Variants in RBMS3 observed in about 807,000 individuals in gnomAD.
RBMS3 encodes RNA-binding motif, single-stranded-interacting protein 3.
In RBMS3, 27 loss-of-function variants were observed where a neutral mutation model predicts 66.8. The ratio of observed to expected loss-of-function variants is 0.40; its 90% CI spans 0.30 to 0.56. The LOEUF is 0.56. Ranked by LOEUF, RBMS3 falls within the 20% of genes least tolerant of loss-of-function variation. The pLI is 0.40. For synonymous variants in RBMS3, 188 were observed against 183.0 expected (o/e 1.03, Z -0.22); for missense variants, 513 against 549.5 (o/e 0.93, Z 0.66).
At chr3:29,813,414 G>T (rs1182677932) in intron 6 of RBMS3, among the ~76,000 whole-genome samples, 1 of 152,140 alleles carries the variant, frequency 6.6e-6, no homozygotes, top group African/African-American at 2.4e-5. Context: ...GCTGTACAGA[G>T]CTTCAAAATT....
At chr3:29,346,808 A>T (rs1244728086) in intron 1 of RBMS3, among the ~76,000 whole-genome samples, 1 of 152,172 alleles carries the variant, frequency 6.6e-6, no homozygotes, top group Admixed American at 6.5e-5. Flanking sequence ...GACACAATTT[A>T]GTTAAAACAT....
At position 29,475,335 on chromosome 3, in the gene RBMS3, A is replaced by G. The variant is rs56271352; in HGVS notation, c.249-13106A>G. 7.3e-3 allele frequency among the ~76,000 whole-genome samples: 1,090 copies of G among 149,106 alleles called. 21 individuals are homozygous for G. The highest frequency in any genetic ancestry group is 0.026 in the African/African-American group (1,042 of 40,374). ...GTGATCTTGTCTCACTGCAACCTCC[A>G]CCTCCCAGATTCAAGCAATTCTCCT... On this transcript the variant is annotated intron_variant, in intron 2 of 14. Transcript: ENST00000383767.
intron 8 of RBMS3, among the ~76,000 whole-genome samples, chr3:29,890,394 G>A (rs1449292): frequency 0.51 from 77,378 of 151,286 alleles, 20,528 homozygotes; most frequent in African/African-American, 0.64. Context: ...CAATTTAGCC[G>A]TCAAATATAA....
chr3:29,713,820 C>T lies in RBMS3; in HGVS notation c.400-25900C>T, dbSNP rs374834529. On this transcript the variant is annotated intron_variant, in intron 4 of 14. Transcript: ENST00000383767. ...CAGTAATCCCAGCACTTTGGGAGGC[C>T]GAAGTGGGTAGATCACTTAAGTTTA... Among the ~76,000 whole-genome samples the T allele has an allele frequency of 3.9e-5, 6 of 151,986 alleles. No individual in the cohort carries two copies. In the South Asian group the frequency reaches 1.0e-3, roughly 26 times the overall value.
chr3:29,967,176 T>C (rs1179808034), intron 12 of RBMS3, among the ~76,000 whole-genome samples: 1 of 152,156 alleles, frequency 6.6e-6, no homozygotes, highest in Non-Finnish European at 1.5e-5. Context: ...CCTTTCCTGG[T>C]TTTGGTATTA....
Position 29,631,579 on chromosome 3 carries a change from G to T in RBMS3, c.399+44374G>T, listed in dbSNP as rs566769401. 2.6e-5 allele frequency among the ~76,000 whole-genome samples: 4 copies of T among 151,734 alleles called. No individual in the cohort carries two copies. In the South Asian group the frequency reaches 8.3e-4, roughly 32 times the overall value. Reference sequence around the variant, plus strand: ...AGTAAGACATGTTGACACACCACAGGTCAAACACCAGAATCCCACTAGAAC... The same window carrying T: ...AGTAAGACATGTTGACACACCACAGTTCAAACACCAGAATCCCACTAGAAC... On this transcript the variant is annotated intron_variant, in intron 4 of 14. Transcript: ENST00000383767.
chr3:29,851,862 C>T (rs1354907155), intron 6 of RBMS3, among the ~76,000 whole-genome samples: 2 of 152,086 alleles, frequency 1.3e-5, no homozygotes, highest in African/African-American at 4.8e-5. Flanking sequence ...AAAAAGAACA[C>T]GAATAGCCAA....
At chr3:29,528,845 T>C (rs2045239302) in intron 3 of RBMS3, among the ~76,000 whole-genome samples, 1 of 152,196 alleles carries the variant, frequency 6.6e-6, no homozygotes, top group Admixed American at 6.5e-5. Context: ...GCGATTCTCC[T>C]GCCTCAGCCT....
chr3:29,924,049 CTGAT>C, intron 10 of RBMS3, among the ~76,000 whole-genome samples: 1 of 152,310 alleles, frequency 6.6e-6, no homozygotes, highest in East Asian at 1.9e-4. Flanking sequence ...AACAGACAAA[CTGAT>C]TGCAAATAAA....
intron 4 of RBMS3, among the ~76,000 whole-genome samples, chr3:29,593,390 A>G (rs908456736): frequency 6.6e-6 from 1 of 152,172 alleles, no homozygotes; most frequent in Non-Finnish European, 1.5e-5. Context: ...TTTATTGGTC[A>G]CTACAGTGGG....
At chr3:29,755,847 C>T (rs747784737) in intron 5 of RBMS3, among the ~76,000 whole-genome samples, 3 of 152,108 alleles carry the variant, frequency 2.0e-5, no homozygotes, top group Non-Finnish European at 2.9e-5. Context: ...ATTACACAGT[C>T]GATAGAAGGG....
chr3:30,000,528 C>A (rs1413666586), intron 14 of RBMS3, among the ~76,000 whole-genome samples: 1 of 152,150 alleles, frequency 6.6e-6, no homozygotes, highest in African/African-American at 2.4e-5. Flanking sequence ...ACCCAGCAAT[C>A]CCATTACTGG....
intron 14 of RBMS3, among the ~76,000 whole-genome samples, chr3:29,997,349 A>C (rs1488332744): frequency 2.0e-5 from 3 of 150,718 alleles, no homozygotes; most frequent in African/African-American, 7.4e-5. Flanking sequence ...ACAAGGAGGA[A>C]CTGGTACCAT....
chr3:29,713,534 A>G (rs2053259983), intron 4 of RBMS3, among the ~76,000 whole-genome samples: 1 of 152,200 alleles, frequency 6.6e-6, no homozygotes, highest in South Asian at 2.1e-4. Context: ...TTTCTATACC[A>G]GAAGAAAAGC....
At chr3:29,389,328 T>G (rs1359156874) in intron 1 of RBMS3, among the ~76,000 whole-genome samples, 4 of 152,116 alleles carry the variant, frequency 2.6e-5, no homozygotes, top group Non-Finnish European at 4.4e-5. Context: ...ATAAACTTAA[T>G]GAGGAAAAAA....
At chr3:29,660,958 C>T (rs185239687) in intron 4 of RBMS3, among the ~76,000 whole-genome samples, 24 of 152,252 alleles carry the variant, frequency 1.6e-4, no homozygotes, top group South Asian at 1.0e-3. Flanking sequence ...TAATCAGAAG[C>T]AATAATCAGC....
intron 1 of RBMS3, among the ~76,000 whole-genome samples, chr3:29,367,124 G>C (rs2037954912): frequency 6.6e-6 from 1 of 152,020 alleles, no homozygotes; most frequent in Non-Finnish European, 1.5e-5. Context: ...TTTATGGAGA[G>C]AATTGAATGT....
intron 4 of RBMS3, among the ~76,000 whole-genome samples, chr3:29,674,504 C>T (rs1274488988): frequency 2.6e-5 from 4 of 151,956 alleles, no homozygotes; most frequent in Non-Finnish European, 5.9e-5. Context: ...TTTAGTAAAT[C>T]CCATCATCTC....
intron 1 of RBMS3, among the ~76,000 whole-genome samples, chr3:29,304,202 T>C (rs780138323): frequency 1.3e-5 from 2 of 152,044 alleles, no homozygotes; most frequent in Non-Finnish European, 2.9e-5. Context: ...ATTCTAATCA[T>C]GTGCTGTCAT....
Sources: allele counts gnomAD v4.1 joint callset (sites outside exome capture counted in the v4.1 genomes callset), GRCh38; gene constraint gnomAD v4.1.1; transcripts MANE v1.5; gene names NCBI Gene and HGNC (gene_info 2026-07-23, HGNC 2026-07-21).